The following PPARD variants were observed in gnomAD, a reference collection of about 807,000 sequenced individuals.
PPARD encodes the protein peroxisome proliferator activated receptor delta.
A neutral mutation model predicts 39.5 loss-of-function variants in PPARD; 6 were observed. The observed-to-expected ratio is 0.15, with a 90% CI of 0.08 to 0.30. The LOEUF is 0.30. Among genes scored for constraint, PPARD ranks in the 10% least tolerant of loss-of-function variants. The pLI, the probability that PPARD is intolerant of heterozygous loss-of-function variation, is 1.00. For synonymous variants in PPARD, 210 were observed against 231.3 expected (o/e 0.91, Z 0.83); for missense variants, 397 against 596.8 (o/e 0.67, Z 3.49).
In PPARD at chr6:35,421,763, G is replaced by C. The variant is rs1348967355; in HGVS notation, c.286-57G>C. 24 of 1,537,604 alleles carry C rather than the reference G, an allele frequency of 1.6e-5. No homozygotes were observed. The East Asian group carries it at 5.5e-4, about 35-fold the overall frequency. ...ACCTTATACATAATCGGGCCCTTTG[G>C]CACAGCCTCCCTCCCACCTCCTGGT... On this transcript the variant is annotated intron_variant, in intron 4 of 7. Coordinates refer to ENST00000360694, the MANE Select transcript of PPARD (RefSeq NM_006238.5).
chr6:35,388,117 G>A (rs1328024264), intron 2 of PPARD, among the ~76,000 whole-genome samples: 1 of 151,496 alleles, frequency 6.6e-6, no homozygotes, highest in Non-Finnish European at 1.5e-5. Flanking sequence ...CTGTTTTCCA[G>A]TGCGATCCTT....
chr6:35,424,609 T>C lies in PPARD; in HGVS notation c.908T>C (p.Leu303Pro). ...GCCTCTATCGTCAACAAGGACGGGCTGCTGGTAGCCAACGGCAGTGGCTTT... is the reference window on the plus strand; with the variant it reads ...GCCTCTATCGTCAACAAGGACGGGCCGCTGGTAGCCAACGGCAGTGGCTTT... ...MLASIVNKDG[L>P]LVANGSGFVT... Residue 303 changes from leucine to proline, a missense_variant, in exon 7 of 8, where the codon CTG (leucine) becomes CCG (proline). Leu to Pro is a moderately conservative substitution (Grantham distance 98, BLOSUM62 -3). Transcript: ENST00000360694. The surrounding 1 kb of genome is among the most constrained non-coding windows in gnomAD (Gnocchi z 7.1). 1 of 1,614,264 alleles carries C rather than the reference T, an allele frequency of 6.2e-7. No homozygotes were observed. The highest frequency in any genetic ancestry group is 1.1e-5 in the South Asian group (1 of 91,088).
chr6:35,416,079 T>A (rs1385939723), intron 3 of PPARD, among the ~76,000 whole-genome samples: 1 of 151,990 alleles, frequency 6.6e-6, no homozygotes, highest in Non-Finnish European at 1.5e-5. Flanking sequence ...GTTAATTGCA[T>A]CTAAAAAATA....
intron 2 of PPARD, among the ~76,000 whole-genome samples, chr6:35,406,845 G>A (rs181709874): frequency 1.3e-5 from 2 of 152,284 alleles, no homozygotes; most frequent in Admixed American, 1.3e-4. Flanking sequence ...GAGTAACACG[G>A]CCCAGTGCAC....
chr6:35,344,342 G>A (rs907723629), intron 1 of PPARD, among the ~76,000 whole-genome samples: 1 of 151,880 alleles, frequency 6.6e-6, no homozygotes, highest in Non-Finnish European at 1.5e-5. Flanking sequence ...TACCCTGGTG[G>A]GCTGTGGGGC....
chr6:35,397,647 T>G (rs1764426727), intron 2 of PPARD: 1 of 712,660 alleles, frequency 1.4e-6, no homozygotes, highest in Non-Finnish European at 1.7e-6. Context: ...CCTCTGATAC[T>G]TGAGGGTTAT....
chr6:35,356,823 G>A (rs1015103582), intron 2 of PPARD, among the ~76,000 whole-genome samples: 2 of 152,158 alleles, frequency 1.3e-5, no homozygotes, highest in African/African-American at 2.4e-5. Context: ...GTCCACTGGC[G>A]AACCTCACAT....
At chr6:35,348,457 C>G (rs1008522374) in intron 2 of PPARD, 1 of 985,350 alleles carries the variant, frequency 1.0e-6, no homozygotes, top group Non-Finnish European at 1.2e-6. Flanking sequence ...TATAAACTCT[C>G]AGAAGTGGAG....
intron 2 of PPARD, among the ~76,000 whole-genome samples, chr6:35,353,794 G>A (rs935060350): frequency 1.8e-4 from 28 of 152,132 alleles, no homozygotes; most frequent in Admixed American, 1.4e-3. Context: ...AGAAGGCTCC[G>A]TATGGGGCTA....
intron 2 of PPARD, among the ~76,000 whole-genome samples, chr6:35,361,063 C>T (rs1385156403): frequency 6.6e-6 from 1 of 152,168 alleles, no homozygotes; most frequent in Non-Finnish European, 1.5e-5. Flanking sequence ...TCTTTGGCTT[C>T]TCAGAGGGGG....
At chr6:35,361,023 C>T (rs1305313274) in intron 2 of PPARD, among the ~76,000 whole-genome samples, 7 of 152,082 alleles carry the variant, frequency 4.6e-5, no homozygotes, top group South Asian at 2.1e-4. Context: ...GGAGGGCAGG[C>T]GAGACAGAGA....
chr6:35,352,406 G>A (rs560265759), intron 2 of PPARD, among the ~76,000 whole-genome samples: 32 of 151,760 alleles, frequency 2.1e-4, no homozygotes, highest in South Asian at 6.3e-4. Context: ...GGCCGGTCTC[G>A]AACTCCTGAC....
intron 4 of PPARD, among the ~76,000 whole-genome samples, chr6:35,421,504 A>G (rs991891391): frequency 6.9e-6 from 1 of 144,910 alleles, no homozygotes; most frequent in South Asian, 2.2e-4. Context: ...CACCCAGCTA[A>G]TTTTTCTGTA....
At chr6:35,354,015 G>A (rs1006875719) in intron 2 of PPARD, among the ~76,000 whole-genome samples, 1 of 152,136 alleles carries the variant, frequency 6.6e-6, no homozygotes, top group East Asian at 1.9e-4. Context: ...GGAGGATCAC[G>A]AGGTCAGGAG....
intron 2 of PPARD, among the ~76,000 whole-genome samples, chr6:35,384,018 G>T (rs1377427001): frequency 6.8e-6 from 1 of 146,672 alleles, no homozygotes; most frequent in African/African-American, 2.7e-5. Context: ...CCCGCCAGCC[G>T]CCCCGTCAGG....
intron 2 of PPARD, among the ~76,000 whole-genome samples, chr6:35,407,982 G>A (rs998716927): frequency 6.6e-6 from 1 of 152,088 alleles, no homozygotes. Flanking sequence ...ACAGAAATCC[G>A]GCAATCAGTG....
Position 35,402,000 on chromosome 6 carries a change from G to C in PPARD, c.-101-8987G>C, listed in dbSNP as rs2150733765. ...GTGTGAGGGGTCTCAGGCCCATTCA[G>C]GCTTCAGTAGGAGAGATCTGGGTCT... On this transcript the variant is annotated intron_variant, in intron 2 of 7. Coordinates refer to ENST00000360694, the MANE Select transcript of PPARD (RefSeq NM_006238.5). This position sits in a 1 kb window ranked among gnomAD's most constrained non-coding sequence, Gnocchi z 4.1. Among the ~76,000 whole-genome samples, 1 of 152,160 alleles carries C rather than the reference G, an allele frequency of 6.6e-6. No individual in the cohort carries two copies. Among genetic ancestry groups the C allele is most frequent in the Middle Eastern group, 3.4e-3 (1 of 294 alleles).
At chr6:35,375,719 T>A (rs964191831) in intron 2 of PPARD, among the ~76,000 whole-genome samples, 11 of 151,280 alleles carry the variant, frequency 7.3e-5, no homozygotes, top group East Asian at 1.9e-4. Flanking sequence ...TCAGATAATT[T>A]AAAAAAAAAT....
At chr6:35,393,983 G>A (rs990521053) in intron 2 of PPARD, among the ~76,000 whole-genome samples, 4 of 152,158 alleles carry the variant, frequency 2.6e-5, no homozygotes, top group Non-Finnish European at 4.4e-5. Context: ...GCCTTTACTC[G>A]AGTGAGATCC....
Sources: allele counts gnomAD v4.1 joint callset (sites outside exome capture counted in the v4.1 genomes callset), GRCh38; gene constraint gnomAD v4.1.1; non-coding constraint Gnocchi (gnomAD v3.1); transcripts MANE v1.5; gene names NCBI Gene and HGNC (gene_info 2026-07-23, HGNC 2026-07-21).